Variants in CADPS2 observed in about 807,000 individuals in gnomAD.
The protein encoded by CADPS2 is calcium dependent secretion activator 2, also known as calcium-dependent secretion activator 2.
Under a neutral mutation model 172.5 loss-of-function variants are expected in CADPS2, and 93 were observed. That is an observed-to-expected ratio of 0.54 (90% CI 0.46 to 0.64). The LOEUF (loss-of-function observed/expected upper bound fraction) is 0.64. Among genes scored for constraint, CADPS2 ranks in the 30% least tolerant of loss-of-function variants. CADPS2 has a pLI of 0.00. For missense variants in CADPS2, 1,420 were observed against 1,565.9 expected, an observed-to-expected ratio of 0.91 and a Z score of 1.57; for synonymous variants, 546 against 555.2, an observed-to-expected ratio of 0.98 and a Z score of 0.23.
At chr7:122,424,871 ACTT>A (rs1209063054) in intron 17 of CADPS2, among the ~76,000 whole-genome samples, 2 of 151,452 alleles carry the variant, frequency 1.3e-5, no homozygotes, top group East Asian at 3.9e-4. Flanking sequence ...TATGCTGTCT[ACTT>A]ACTTTGCTCT....
At chr7:122,636,552 G>A (rs558884402) in intron 3 of CADPS2, among the ~76,000 whole-genome samples, 47 of 143,132 alleles carry the variant, frequency 3.3e-4, no homozygotes, top group African/African-American at 1.0e-3. Context: ...TGCAATCTCC[G>A]CGTCCCAGGT....
chr7:122,805,401 G>T (rs577756539), intron 1 of CADPS2, among the ~76,000 whole-genome samples: 23 of 152,168 alleles, frequency 1.5e-4, no homozygotes, highest in African/African-American at 5.1e-4. Flanking sequence ...CTAGTGATCC[G>T]CCTGCCTTGG....
chr7:122,774,267 TATACACACACAC>T (rs1316520658), intron 1 of CADPS2, among the ~76,000 whole-genome samples: 1 of 119,576 alleles, frequency 8.4e-6, no homozygotes, highest in South Asian at 2.8e-4. Flanking sequence ...CATAGATAGA[TATACACACACAC>T]ACACACACAC....
At chr7:122,846,685 G>C (rs1261211131) in intron 1 of CADPS2, among the ~76,000 whole-genome samples, 2 of 152,196 alleles carry the variant, frequency 1.3e-5, no homozygotes, top group Admixed American at 1.3e-4. Context: ...GAGCAAGGAA[G>C]AGTGAATAGG....
intron 11 of CADPS2, among the ~76,000 whole-genome samples, chr7:122,487,036 GACAGGGTTTC>G (rs2057885198): frequency 8.4e-6 from 1 of 119,728 alleles, no homozygotes; most frequent in African/African-American, 3.3e-5. Context: ...TTTTTTTTGA[GACAGGGTTTC>G]ACTCTATCGC....
chr7:122,453,965 T>C (rs991343352), intron 14 of CADPS2, among the ~76,000 whole-genome samples: 1 of 152,222 alleles, frequency 6.6e-6, no homozygotes, highest in Non-Finnish European at 1.5e-5. Context: ...GTTTAGCAAT[T>C]TGGACTTGCC....
At chr7:122,486,920 T>C (rs1426300510) in intron 11 of CADPS2, among the ~76,000 whole-genome samples, 1 of 151,406 alleles carries the variant, frequency 6.6e-6, no homozygotes, top group East Asian at 1.9e-4. Flanking sequence ...AAGTCTCAGG[T>C]GATTATTTTT....
At chr7:122,541,266 G>T (rs1001747348) in intron 8 of CADPS2, among the ~76,000 whole-genome samples, 3 of 146,474 alleles carry the variant, frequency 2.0e-5, no homozygotes, top group Non-Finnish European at 3.0e-5. Context: ...GTGTGATCTC[G>T]GCTCACTGCA....
chr7:122,493,736 T>C (rs2058505592), intron 9 of CADPS2, among the ~76,000 whole-genome samples: 1 of 139,718 alleles, frequency 7.2e-6, no homozygotes, highest in Non-Finnish European at 1.6e-5. Context: ...TTTTTTTTTT[T>C]TTGCCAATTT....
chr7:122,831,325 G>GT (rs987858333), intron 1 of CADPS2, among the ~76,000 whole-genome samples: 2 of 152,126 alleles, frequency 1.3e-5, no homozygotes, highest in African/African-American at 4.8e-5. Flanking sequence ...TGTCATTTGG[G>GT]TGTTTTCGCT....
chr7:122,386,608 T>C (rs2043713989), intron 24 of CADPS2, among the ~76,000 whole-genome samples: 1 of 152,074 alleles, frequency 6.6e-6, no homozygotes. Context: ...TCAACCTAAA[T>C]TTTTAAAAAT....
intron 3 of CADPS2, among the ~76,000 whole-genome samples, chr7:122,637,967 A>G (rs1472129088): frequency 1.3e-5 from 2 of 152,226 alleles, no homozygotes; most frequent in Non-Finnish European, 2.9e-5. Context: ...GCTGTAATCC[A>G]GTAGGTGCTC....
intron 2 of CADPS2, among the ~76,000 whole-genome samples, chr7:122,667,120 C>T (rs965799375): frequency 6.6e-6 from 1 of 152,184 alleles, no homozygotes; most frequent in Non-Finnish European, 1.5e-5. Flanking sequence ...TCTGTCTTCA[C>T]AGTGCACTCT....
chr7:122,504,257 A>G (rs1355943487), intron 9 of CADPS2, among the ~76,000 whole-genome samples: 1 of 152,192 alleles, frequency 6.6e-6, no homozygotes, highest in Admixed American at 6.5e-5. Context: ...GGGAGTACCT[A>G]GCACAATGCA....
intron 1 of CADPS2, among the ~76,000 whole-genome samples, chr7:122,866,912 T>A (rs1295538097): frequency 2.0e-5 from 3 of 152,208 alleles, no homozygotes; most frequent in African/African-American, 7.2e-5. Context: ...CCTCTCCAGA[T>A]GCAATTCTTC....
At chr7:122,476,842 A>G (rs2056672975) in intron 12 of CADPS2, among the ~76,000 whole-genome samples, 1 of 152,106 alleles carries the variant, frequency 6.6e-6, no homozygotes, top group South Asian at 2.1e-4. Context: ...TCTACATCAG[A>G]TCAGCACCAT....
chr7:122,681,411 G>A, intron 2 of CADPS2: 1 of 1,531,806 alleles, frequency 6.5e-7, no homozygotes, highest in Non-Finnish European at 8.9e-7. Flanking sequence ...CGTGCCCAAG[G>A]ACAAGGCCAT....
At chr7:122,747,574 G>A (rs1473134561) in intron 1 of CADPS2, among the ~76,000 whole-genome samples, 1 of 152,066 alleles carries the variant, frequency 6.6e-6, no homozygotes, top group African/African-American at 2.4e-5. Flanking sequence ...TCTTTACATA[G>A]ATTATTTTAA....
At chr7:122,499,405 C>T (rs566078305) in intron 9 of CADPS2, among the ~76,000 whole-genome samples, 2 of 152,174 alleles carry the variant, frequency 1.3e-5, no homozygotes, top group Non-Finnish European at 2.9e-5. Context: ...ACAATCATAA[C>T]CATTCTAGGT....
Sources: gnomAD v4.1 joint callset for allele counts (sites outside exome capture counted in the v4.1 genomes callset) on GRCh38, gnomAD v4.1.1 for gene constraint, MANE v1.5 for transcripts, NCBI Gene and HGNC (gene_info 2026-07-23, HGNC 2026-07-21) for gene names.